TECRL: variants seen among roughly 807,000 people sequenced by gnomAD.
The protein encoded by TECRL is trans-2,3-enoyl-CoA reductase like.
A neutral mutation model predicts 52.8 loss-of-function variants in TECRL; 63 were observed. That is an observed-to-expected ratio of 1.19 (90% CI 0.97 to 1.47). The LOEUF is 1.47. Among genes scored for constraint, TECRL ranks in the 40% most tolerant of loss-of-function variants. TECRL has a pLI of 0.00. For synonymous variants in TECRL, 164 were observed against 141.9 expected (o/e 1.16, Z -1.10); for missense variants, 482 against 429.6 (o/e 1.12, Z -1.08).
chr4:64,278,564 AG>A lies in TECRL; in HGVS notation c.*1507del, dbSNP rs1180550833. The A allele has an allele frequency of 6.3e-6, 1 of 159,250 alleles. No homozygotes were observed. The highest frequency in any genetic ancestry group is 1.3e-5 in the Non-Finnish European group (1 of 74,520). 9.9% of individuals were successfully genotyped at this position (159,250 alleles called of 1,614,324 possible). A position where few individuals can be genotyped will look rare whatever the true frequency, so the allele number is the denominator to read the frequency against. ...ATATAATTTATAGTGGTCAGATCAGAGAAATTAGAGTATCCATGGTTTCAAA... is the reference window on the plus strand; with the variant it reads ...ATATAATTTATAGTGGTCAGATCAGAAAATTAGAGTATCCATGGTTTCAAA... On this transcript the variant is annotated 3_prime_UTR_variant, in exon 12 of 12. Coordinates refer to ENST00000381210, the MANE Select transcript of TECRL (RefSeq NM_001010874.5).
At chr4:64,395,215 C>T (rs1227012406) in intron 1 of TECRL, among the ~76,000 whole-genome samples, 2 of 152,030 alleles carry the variant, frequency 1.3e-5, no homozygotes, top group Non-Finnish European at 2.9e-5. Context: ...CCACCGCTCC[C>T]AGCCAAACGT....
At chr4:64,295,992 C>G (rs1723659623) in intron 8 of TECRL, among the ~76,000 whole-genome samples, 1 of 151,772 alleles carries the variant, frequency 6.6e-6, no homozygotes, top group Non-Finnish European at 1.5e-5. Context: ...GAGATGAGAG[C>G]AAAATGGCAA....
intron 3 of TECRL, among the ~76,000 whole-genome samples, chr4:64,324,045 C>T (rs1488022254): frequency 6.6e-6 from 1 of 152,032 alleles, no homozygotes; most frequent in Non-Finnish European, 1.5e-5. Context: ...AATGAAAACA[C>T]ACTAAGGTTT....
chr4:64,395,648 A>C (rs1434288743), intron 1 of TECRL, among the ~76,000 whole-genome samples: 1 of 152,184 alleles, frequency 6.6e-6, no homozygotes, highest in Admixed American at 6.5e-5. Flanking sequence ...TATATAAGAA[A>C]AATCTTTATC....
intron 3 of TECRL, among the ~76,000 whole-genome samples, chr4:64,326,136 G>A (rs539893136): frequency 1.3e-5 from 2 of 152,174 alleles, no homozygotes; most frequent in South Asian, 2.1e-4. Flanking sequence ...TGGAACTGGG[G>A]TACACAACAA....
intron 1 of TECRL, among the ~76,000 whole-genome samples, chr4:64,397,154 G>A (rs1724012735): frequency 6.6e-6 from 1 of 152,026 alleles, no homozygotes; most frequent in South Asian, 2.1e-4. Flanking sequence ...AGTGTGTCAT[G>A]CACATTTTCA....
At chr4:64,286,389 A>T (rs1225270173) in intron 9 of TECRL, among the ~76,000 whole-genome samples, 1 of 152,090 alleles carries the variant, frequency 6.6e-6, no homozygotes, top group African/African-American at 2.4e-5. Context: ...AAGAATAGCC[A>T]AAAAAGGGAC....
chr4:64,295,399 C>A (rs893878078), intron 8 of TECRL, among the ~76,000 whole-genome samples: 13 of 151,012 alleles, frequency 8.6e-5, no homozygotes, highest in Non-Finnish European at 1.8e-4. Context: ...AAAAATAATT[C>A]AAATCATTTG....
rs138379804 is a variant in TECRL at position 64,289,920 on chromosome 4, T to A, written c.775-153A>T. ...TCTAATCATAAAGAGAAATTTTTTT[T>A]AATTATAACAATGAAAGAAGTTCTT... On this transcript the variant is annotated intron_variant, in intron 8 of 11. Coordinates refer to ENST00000381210, the MANE Select transcript of TECRL (RefSeq NM_001010874.5). 6.0e-4 allele frequency among the ~76,000 whole-genome samples: 92 copies of A among 152,294 alleles called. 1 individual carries two copies. The East Asian group carries it at 0.015, about 25-fold the overall frequency.
chr4:64,293,458 T>C (rs970551772), intron 8 of TECRL, among the ~76,000 whole-genome samples: 1 of 152,120 alleles, frequency 6.6e-6, no homozygotes, highest in Admixed American at 6.6e-5. Flanking sequence ...TACACCCTGT[T>C]AAATCTCACT....
At chr4:64,301,837 C>T (rs763144413) in intron 7 of TECRL, among the ~76,000 whole-genome samples, 1 of 150,870 alleles carries the variant, frequency 6.6e-6, no homozygotes, top group South Asian at 2.1e-4. Flanking sequence ...AAACAAGTAT[C>T]GAGTGAAGAG....
rs577780726 is a variant in TECRL at position 64,341,993 on chromosome 4, G to A, written c.287-13437C>T. Reference sequence around the variant, plus strand: ...AGTTTCCCTTCGAGGTGTGGGATCCGGGCCAGTAGCATGAGCTCAGTGCAA... The same window carrying A: ...AGTTTCCCTTCGAGGTGTGGGATCCAGGCCAGTAGCATGAGCTCAGTGCAA... On this transcript the variant is annotated intron_variant, in intron 2 of 11. Coordinates refer to ENST00000381210, the MANE Select transcript of TECRL (RefSeq NM_001010874.5). 3.3e-5 allele frequency among the ~76,000 whole-genome samples: 5 copies of A among 152,232 alleles called. No individual in the cohort carries two copies. In the South Asian group the frequency reaches 1.0e-3, roughly 32 times the overall value.
chr4:64,286,252 C>A (rs1309521126), intron 9 of TECRL, among the ~76,000 whole-genome samples: 1 of 151,500 alleles, frequency 6.6e-6, no homozygotes, highest in Non-Finnish European at 1.5e-5. Context: ...AGATATAATA[C>A]AAAATAAGAG....
In TECRL at chr4:64,305,200, G is replaced by A; in HGVS notation, c.696C>T (p.Ala232=). ...TATATAGTGGATGATTAATGTAGTA[G>A]GCAATCCAAGAAGTAAATCCCCAGT... ...AFYWGFTSWI[A]YYINHPLYTP... Residue 232 remains alanine, a synonymous_variant, in exon 7 of 12, where the codon GCC becomes GCT. Transcript: ENST00000381210. 1 of 1,612,700 alleles carries A rather than the reference G, an allele frequency of 6.2e-7. No homozygotes were observed. Among genetic ancestry groups the A allele is most frequent in the Non-Finnish European group, 8.5e-7 (1 of 1,179,190 alleles).
chr4:64,406,795 C>T (rs1724757880), intron 1 of TECRL, among the ~76,000 whole-genome samples: 2 of 151,794 alleles, frequency 1.3e-5, no homozygotes, highest in African/African-American at 4.8e-5. Context: ...TAAATTGTAC[C>T]ACTTTACAGC....
intron 2 of TECRL, among the ~76,000 whole-genome samples, chr4:64,333,583 A>T (rs1017509471): frequency 6.6e-6 from 1 of 152,330 alleles, no homozygotes; most frequent in South Asian, 2.1e-4. Context: ...TGCAAAAAAT[A>T]TATACAACCA....
At chr4:64,314,977 G>A (rs1717388018) in intron 4 of TECRL, among the ~76,000 whole-genome samples, 1 of 151,982 alleles carries the variant, frequency 6.6e-6, no homozygotes, top group Non-Finnish European at 1.5e-5. Context: ...AATAAATATT[G>A]AACCTAATAA....
At chr4:64,315,472 T>C (rs1301427310) in intron 4 of TECRL, among the ~76,000 whole-genome samples, 1 of 152,142 alleles carries the variant, frequency 6.6e-6, no homozygotes, top group East Asian at 1.9e-4. Context: ...AGTGCTAAAA[T>C]CATGTTAAAT....
chr4:64,355,763 C>T (rs28617232), intron 2 of TECRL, among the ~76,000 whole-genome samples: 94,236 of 143,752 alleles, frequency 0.66, 32,285 homozygotes, highest in Non-Finnish European at 0.75. Context: ...CTACTGCACT[C>T]CAGCCTGGGC....
Sources: gnomAD v4.1 joint callset for allele counts (sites outside exome capture counted in the v4.1 genomes callset) on GRCh38, gnomAD v4.1.1 for gene constraint, MANE v1.5 for transcripts, NCBI Gene and HGNC (gene_info 2026-07-23, HGNC 2026-07-21) for gene names.